TENM4: variants seen among roughly 807,000 people sequenced by gnomAD.
TENM4 encodes the protein teneurin transmembrane protein 4, also known as teneurin-4.
A neutral mutation model predicts 243.3 loss-of-function variants in TENM4; 82 were observed. The observed-to-expected ratio is 0.34, with a 90% CI of 0.28 to 0.40. The LOEUF (loss-of-function observed/expected upper bound fraction) is 0.40. Among genes scored for constraint, TENM4 ranks in the 10% least tolerant of loss-of-function variants. The pLI is 1.00. For synonymous variants in TENM4, 1,412 were observed against 1,456.3 expected, an observed-to-expected ratio of 0.97 and a Z score of 0.69; for missense variants, 3,138 against 3,673.3, an observed-to-expected ratio of 0.85 and a Z score of 3.77.
At chr11:79,245,842 A>T (rs1855504102) in intron 2 of TENM4, among the ~76,000 whole-genome samples, 1 of 146,390 alleles carries the variant, frequency 6.8e-6, no homozygotes. Flanking sequence ...CGGGAGGTTG[A>T]GACAGGAGAA....
At chr11:79,182,113 A>G (rs952503023) in intron 3 of TENM4, among the ~76,000 whole-genome samples, 10 of 152,304 alleles carry the variant, frequency 6.6e-5, no homozygotes, top group Admixed American at 5.2e-4. Flanking sequence ...TGATATAGAC[A>G]GCAAAAGATC....
intron 2 of TENM4, among the ~76,000 whole-genome samples, chr11:79,293,734 C>T (rs1299696645): frequency 6.6e-6 from 1 of 152,102 alleles, no homozygotes; most frequent in African/African-American, 2.4e-5. Context: ...AACATGTCCA[C>T]CTAGGCTGTG....
chr11:78,663,266 A>G (rs1858075208), intron 32 of TENM4, among the ~76,000 whole-genome samples: 3 of 152,248 alleles, frequency 2.0e-5, no homozygotes, highest in Non-Finnish European at 4.4e-5. Flanking sequence ...CTTAGAGCCA[A>G]GGCTGATTAT....
chr11:79,287,414 C>T (rs1202648474), intron 2 of TENM4, among the ~76,000 whole-genome samples: 1 of 152,094 alleles, frequency 6.6e-6, no homozygotes, highest in African/African-American at 2.4e-5. Flanking sequence ...CAGATGATGA[C>T]CCCCAGACCC....
intron 1 of TENM4, among the ~76,000 whole-genome samples, chr11:79,361,891 G>A (rs898903815): frequency 7.2e-5 from 11 of 152,152 alleles, no homozygotes; most frequent in Non-Finnish European, 1.2e-4. Context: ...GGTTAGTCAC[G>A]TAGCAGAATA....
chr11:79,045,713 T>G (rs1859640211), intron 6 of TENM4, among the ~76,000 whole-genome samples: 1 of 129,972 alleles, frequency 7.7e-6, no homozygotes, highest in Non-Finnish European at 1.6e-5. Flanking sequence ...AACCACTAAC[T>G]GGATGACGCC....
At chr11:79,363,517 C>T (rs912917994) in intron 1 of TENM4, among the ~76,000 whole-genome samples, 3 of 152,270 alleles carry the variant, frequency 2.0e-5, no homozygotes, top group African/African-American at 4.8e-5. Flanking sequence ...TGTGACTATC[C>T]GCTGTCTCTG....
At chr11:79,431,101 C>T (rs1316680271) in intron 1 of TENM4, among the ~76,000 whole-genome samples, 2 of 152,106 alleles carry the variant, frequency 1.3e-5, no homozygotes, top group Admixed American at 6.6e-5. Context: ...AGAAAAAAGT[C>T]GAAACAATCT....
chr11:78,723,626 C>T (rs1855449986), intron 23 of TENM4, among the ~76,000 whole-genome samples: 1 of 152,222 alleles, frequency 6.6e-6, no homozygotes, highest in South Asian at 2.1e-4. Flanking sequence ...GGGGATTGAC[C>T]TCAATGACGC....
At chr11:79,343,022 G>A (rs1857266839) in intron 1 of TENM4, among the ~76,000 whole-genome samples, 1 of 152,236 alleles carries the variant, frequency 6.6e-6, no homozygotes, top group Non-Finnish European at 1.5e-5. Flanking sequence ...TGGCCTGGTG[G>A]CCCTGCCCTG....
chr11:79,271,781 C>T (rs1428811807), intron 2 of TENM4, among the ~76,000 whole-genome samples: 1 of 152,210 alleles, frequency 6.6e-6, no homozygotes, highest in Non-Finnish European at 1.5e-5. Flanking sequence ...TGGCCTCTGG[C>T]CTGGGACTAC....
At chr11:79,226,470 C>G (rs1328499162) in intron 2 of TENM4, among the ~76,000 whole-genome samples, 2 of 152,192 alleles carry the variant, frequency 1.3e-5, no homozygotes, top group Non-Finnish European at 2.9e-5. Flanking sequence ...CCTGGAATAA[C>G]CATTGAACAC....
At chr11:79,341,429 T>C (rs1857240027) in intron 1 of TENM4, among the ~76,000 whole-genome samples, 1 of 152,150 alleles carries the variant, frequency 6.6e-6, no homozygotes, top group Admixed American at 6.5e-5. Flanking sequence ...TCAATCTTAC[T>C]GCAATGCAGC....
At chr11:78,703,904 T>C (rs946364407) in intron 27 of TENM4, among the ~76,000 whole-genome samples, 1 of 150,688 alleles carries the variant, frequency 6.6e-6, no homozygotes, top group Non-Finnish European at 1.5e-5. Flanking sequence ...CGGGCTGGAG[T>C]GAAGTGGTAC....
At chr11:78,871,337 A>C (rs1433086731) in intron 9 of TENM4, among the ~76,000 whole-genome samples, 1 of 143,956 alleles carries the variant, frequency 6.9e-6, no homozygotes, top group Non-Finnish European at 1.5e-5. Flanking sequence ...GAACTACCAG[A>C]TGGGAGCTCT....
chr11:78,776,687 T>G (rs1856746409), intron 17 of TENM4, among the ~76,000 whole-genome samples: 1 of 152,216 alleles, frequency 6.6e-6, no homozygotes, highest in Non-Finnish European at 1.5e-5. Context: ...GACCTTGATT[T>G]TGCCAAGAAA....
intron 1 of TENM4, among the ~76,000 whole-genome samples, chr11:79,342,980 C>T (rs1178163947): frequency 6.6e-6 from 1 of 152,254 alleles, no homozygotes; most frequent in Middle Eastern, 3.2e-3. Flanking sequence ...CCACCACATT[C>T]ATTTTTCTGT....
chr11:78,664,235 C>T (rs1858097341), intron 32 of TENM4, among the ~76,000 whole-genome samples: 1 of 152,110 alleles, frequency 6.6e-6, no homozygotes, highest in African/African-American at 2.4e-5. Flanking sequence ...AGGAGCTATT[C>T]TAAGCTTATA....
intron 2 of TENM4, among the ~76,000 whole-genome samples, chr11:79,240,039 G>A (rs1392955372): frequency 6.6e-6 from 1 of 152,162 alleles, no homozygotes; most frequent in Non-Finnish European, 1.5e-5. Context: ...AACTATGGTG[G>A]TAAAGTGCTC....
Sources: allele counts gnomAD v4.1 joint callset (sites outside exome capture counted in the v4.1 genomes callset), GRCh38; gene constraint gnomAD v4.1.1; transcripts MANE v1.5; gene names NCBI Gene and HGNC (gene_info 2026-07-23, HGNC 2026-07-21).